Variants in PSMG1 observed in about 807,000 individuals in gnomAD.
PSMG1 encodes the protein proteasome assembly chaperone 1, also known as Down syndrome critical region gene 2.
PSMG1 carries 23 observed loss-of-function variants against 37.2 expected under a neutral mutation model. That is an observed-to-expected ratio of 0.62 (90% CI 0.44 to 0.88). The LOEUF (loss-of-function observed/expected upper bound fraction) is 0.88, where lower values mean the gene tolerates loss of function less well. PSMG1 is among the 40% of genes least tolerant of loss of function. The probability of loss-of-function intolerance (pLI) is 0.00; values close to 1 mark genes in which losing one functional copy is unlikely to be tolerated. For synonymous variants in PSMG1, 127 were observed against 128.0 expected, an observed-to-expected ratio of 0.99 and a Z score of 0.05; for missense variants, 340 against 344.2, an observed-to-expected ratio of 0.99 and a Z score of 0.10.
chr21:39,183,146 G>A (rs2030926965), intron 1 of PSMG1, 106 bp downstream of exon 1: 5 of 1,339,148 alleles, frequency 3.7e-6, no homozygotes, highest in Admixed American at 3.4e-5. Flanking sequence ...AACCGCGGGG[G>A]CCACTCGGAA....
At chr21:39,180,146 C>T (rs2030772605) in intron 3 of PSMG1, 139 bp downstream of exon 3, 1 of 1,254,124 alleles carries the variant, frequency 8.0e-7, no homozygotes, top group Non-Finnish European at 1.1e-6. Context: ...ACAGTCAAAC[C>T]ACTACTGGTG....
Position 39,180,006 on chromosome 21 carries a change from G to C in PSMG1, c.394-20C>G. On this transcript the variant is annotated intron_variant, in intron 3 of 6. Transcript: ENST00000331573. Reference sequence around the variant, plus strand: ...AAAAACCTGAAAAGTCAAGTTCCACGCTTTTTGTCAAGTAAGTTTTATACA... The same window carrying C: ...AAAAACCTGAAAAGTCAAGTTCCACCCTTTTTGTCAAGTAAGTTTTATACA... The C allele has an allele frequency of 6.3e-7, 1 of 1,596,808 alleles. No homozygotes were observed. The highest frequency in any genetic ancestry group is 8.5e-7 in the Non-Finnish European group (1 of 1,171,466).
intron 4 of PSMG1, 76 bp from the exon 5 acceptor site, chr21:39,178,723 A>G (rs1239429994): frequency 7.6e-7 from 1 of 1,315,176 alleles, no homozygotes; most frequent in African/African-American, 1.5e-5. Flanking sequence ...CTAGGTATTC[A>G]CCTAACACCA....
At chr21:39,183,086 C>T in intron 1 of PSMG1, 166 bp downstream of exon 1, 2 of 879,866 alleles carry the variant, frequency 2.3e-6, no homozygotes, top group Non-Finnish European at 3.2e-6. Flanking sequence ...CCGCTGGACG[C>T]CGCGGCTTCA....
chr21:39,178,836 TG>T (rs1375084815), intron 4 of PSMG1, 189 bp from the exon 5 acceptor site: 10 of 600,030 alleles, frequency 1.7e-5, no homozygotes, highest in Non-Finnish European at 2.9e-5. Context: ...GCTTTCTAGG[TG>T]GGCAATTTTT....
intron 1 of PSMG1, 122 bp downstream of exon 1, chr21:39,183,130 G>A: frequency 8.0e-7 from 1 of 1,256,826 alleles, no homozygotes; most frequent in Non-Finnish European, 1.0e-6. Flanking sequence ...GCCAAGGAGC[G>A]GCGGCAACCG....
chr21:39,183,265 G>A lies in PSMG1; in HGVS notation c.121C>T (p.Leu41=). The change falls in exon 1 of 7, where the codon CTG becomes TTG. Residue 41 remains leucine (L), a synonymous_variant. Coordinates refer to ENST00000331573, the MANE Select transcript of PSMG1 (RefSeq NM_003720.4). ...CCGGTGCCTCACCTCTTCCGCGCCA[G>A]CTGCAGACGCACCTCCCTGTCCTCG... ...TPEDREVRLQ[L]ARKREVRLLR... is the part of the protein sequence containing the mutation. 2 of 1,584,900 alleles carry A rather than the reference G, an allele frequency of 1.3e-6. No individual in the cohort carries two copies. The highest frequency in any genetic ancestry group is 2.4e-5 in the East Asian group (1 of 42,006).
In PSMG1 at chr21:39,183,424, C is replaced by T; in HGVS notation, c.-39G>A. On this transcript the variant is annotated 5_prime_UTR_variant, in exon 1 of 7. Transcript: ENST00000331573. ...CCGGCTGGACACAACTGCAGCGCCG[C>T]GGGACCGCACGCCGGCTTGCGCGAG... 6.5e-7 allele frequency: 1 copy of T among 1,546,242 alleles called. No homozygotes were observed. The highest frequency in any genetic ancestry group is 8.7e-7 in the Non-Finnish European group (1 of 1,152,018).
At chr21:39,179,324 T>C (rs1239191371) in intron 4 of PSMG1, among the ~76,000 whole-genome samples, 4 of 152,180 alleles carry the variant, frequency 2.6e-5, no homozygotes, top group African/African-American at 9.7e-5. Flanking sequence ...TTAAGGGGCC[T>C]GCGATGTGGA....
At position 39,175,518 on chromosome 21, in the gene PSMG1, C is replaced by A; in HGVS notation, c.*72G>T. ...TCAAAATATATCCCCCAAAAGTAATCTACAAAAGAGTGCAGGCTGCTCCCC... is the reference window on the plus strand; with the variant it reads ...TCAAAATATATCCCCCAAAAGTAATATACAAAAGAGTGCAGGCTGCTCCCC... On this transcript the variant is annotated 3_prime_UTR_variant, in exon 7 of 7. Coordinates refer to ENST00000331573, the MANE Select transcript of PSMG1 (RefSeq NM_003720.4). 6.8e-7 allele frequency: 1 copy of A among 1,468,826 alleles called. No individual in the cohort carries two copies. The highest frequency in any genetic ancestry group is 9.0e-7 in the Non-Finnish European group (1 of 1,106,206). The allele number at this position is 1,468,826 out of a possible 1,614,324, so 91.0% of individuals were successfully genotyped here.
At position 39,177,360 on chromosome 21, in the gene PSMG1, A is replaced by G. The variant is rs1601182616; in HGVS notation, c.792+75T>C. ...CAAGCATTGCTTAGGGTTTAAAATGACAGTATACATTTATGTTTGTTACTA... is the reference window on the plus strand; with the variant it reads ...CAAGCATTGCTTAGGGTTTAAAATGGCAGTATACATTTATGTTTGTTACTA... On this transcript the variant is annotated intron_variant, in intron 6 of 6. Transcript: ENST00000331573. 1.1e-5 allele frequency: 14 copies of G among 1,333,052 alleles called. No individual in the cohort carries two copies. In the East Asian group the frequency reaches 3.6e-4, roughly 34 times the overall value. The allele number at this position is 1,333,052 out of a possible 1,614,324, so 82.6% of individuals were successfully genotyped here.
intron 5 of PSMG1, among the ~76,000 whole-genome samples, chr21:39,178,208 A>T (rs2030694859): frequency 6.6e-6 from 1 of 152,226 alleles, no homozygotes; most frequent in Admixed American, 6.5e-5. Flanking sequence ...GACCAAAAAG[A>T]AACACAGCAT....
At chr21:39,180,723 C>T (rs991639258) in intron 2 of PSMG1, among the ~76,000 whole-genome samples, 2 of 152,124 alleles carry the variant, frequency 1.3e-5, no homozygotes, top group African/African-American at 2.4e-5. Flanking sequence ...AAACTTTAGG[C>T]CAGCAGAACT....
intron 6 of PSMG1, among the ~76,000 whole-genome samples, chr21:39,177,163 T>C (rs1347791200): frequency 6.6e-6 from 1 of 152,236 alleles, no homozygotes; most frequent in East Asian, 1.9e-4. Context: ...TAGAAGCTTA[T>C]TGAACAGTAA....
upstream of PSMG1, chr21:39,183,472 G>A: frequency 1.4e-6 from 2 of 1,445,920 alleles, no homozygotes; most frequent in Non-Finnish European, 9.1e-7. Context: ...CACCGCGCGG[G>A]CAATAAGTCC....
rs1178368013 is a variant in PSMG1, at chr21:39,179,948, A to T, written c.432T>A (p.Asp144Glu). Residue 144 changes from aspartate to glutamate, a missense_variant, in exon 4 of 7, where the codon GAT becomes GAA. By Grantham distance (45) the Asp-to-Glu change is conservative. Coordinates refer to ENST00000331573, the MANE Select transcript of PSMG1 (RefSeq NM_003720.4). ...LCQCSCYVAEDQQYQWLEKVF... is the reference protein window; with the variant it reads ...LCQCSCYVAEEQQYQWLEKVF... ...CCTTTTCCAGCCACTGATACTGTTGATCTTCTGCAACATAGCAACTGCACT... is the reference window on the plus strand; with the variant it reads ...CCTTTTCCAGCCACTGATACTGTTGTTCTTCTGCAACATAGCAACTGCACT... The T allele has an allele frequency of 1.2e-6, 2 of 1,613,112 alleles. No homozygotes were observed.
rs1368767101 is a variant in PSMG1 at position 39,180,440 on chromosome 21, T to C, written c.242-4A>G. The C allele has an allele frequency of 1.3e-6, 2 of 1,575,756 alleles. No individual in the cohort carries two copies. Among genetic ancestry groups the C allele is most frequent in the East Asian group, 2.3e-5 (1 of 44,316 alleles). ...ATAACAAATGATGACAGAAATGCTG[T>C]AAAAAACAATTCACATAAGTTAGTG... On this transcript the variant is annotated splice_polypyrimidine_tract_variant and splice_region_variant and intron_variant, in intron 2 of 6. Transcript: ENST00000331573.
intron 2 of PSMG1, among the ~76,000 whole-genome samples, chr21:39,180,794 G>A (rs1466242728): frequency 6.6e-6 from 1 of 152,118 alleles, no homozygotes. Flanking sequence ...ACAACCACTA[G>A]GGGTACCTTA....
chr21:39,175,788 G>T, intron 6 of PSMG1, 124 bp from the exon 7 acceptor site: 1 of 648,208 alleles, frequency 1.5e-6, no homozygotes, highest in Non-Finnish European at 2.7e-6. Flanking sequence ...GACAGGCGTG[G>T]CCTTTACTCT....
Sources: allele counts gnomAD v4.1 joint callset (sites outside exome capture counted in the v4.1 genomes callset), GRCh38; gene constraint gnomAD v4.1.1; transcripts MANE v1.5; gene names NCBI Gene and HGNC (gene_info 2026-07-23, HGNC 2026-07-21).